Variants in EPHB1 observed in about 807,000 individuals in gnomAD.
EPHB1 encodes the protein ephrin type-B receptor 1.
EPHB1 carries 30 observed loss-of-function variants against 94.4 expected under a neutral mutation model. The ratio of observed to expected loss-of-function variants is 0.32; its 90% CI spans 0.24 to 0.43. EPHB1 has a LOEUF of 0.43. Among genes scored for constraint, EPHB1 ranks in the 20% least tolerant of loss-of-function variants. The probability of loss-of-function intolerance (pLI) is 1.00; values close to 1 mark genes in which losing one functional copy is unlikely to be tolerated. For missense variants in EPHB1, 1,055 were observed against 1,308.3 expected (o/e 0.81, Z 2.99); for synonymous variants, 522 against 489.1 (o/e 1.07, Z -0.89).
chr3:134,899,273 T>C (rs1578180617), intron 1 of EPHB1, among the ~76,000 whole-genome samples: 2 of 152,224 alleles, frequency 1.3e-5, no homozygotes, highest in East Asian at 1.9e-4. Flanking sequence ...GCTTCAGGGA[T>C]TGTGGAGTGT....
At chr3:135,139,718 C>G (rs2107689683) in intron 5 of EPHB1, among the ~76,000 whole-genome samples, 1 of 152,318 alleles carries the variant, frequency 6.6e-6, no homozygotes, top group East Asian at 1.9e-4. Flanking sequence ...TGGTACCACC[C>G]TCTTCTGTGG....
At chr3:134,807,811 C>T (rs142142078) in intron 1 of EPHB1, among the ~76,000 whole-genome samples, 2 of 152,122 alleles carry the variant, frequency 1.3e-5, no homozygotes, top group East Asian at 3.9e-4. Context: ...AGTGGGAAGC[C>T]GATACTCCCC....
chr3:135,084,406 A>G (rs1156659685), intron 3 of EPHB1, among the ~76,000 whole-genome samples: 1 of 152,134 alleles, frequency 6.6e-6, no homozygotes, highest in Non-Finnish European at 1.5e-5. Context: ...TGGAGCTGGA[A>G]GAAGTCTTTG....
chr3:134,977,418 C>G (rs991897585), intron 3 of EPHB1, among the ~76,000 whole-genome samples: 10 of 152,200 alleles, frequency 6.6e-5, no homozygotes, highest in South Asian at 4.1e-4. Context: ...CCGCAAATAC[C>G]TGTTCCTTCA....
chr3:135,145,347 A>G (rs1449586896), intron 5 of EPHB1, among the ~76,000 whole-genome samples: 1 of 152,194 alleles, frequency 6.6e-6, no homozygotes, highest in Non-Finnish European at 1.5e-5. Flanking sequence ...TAAAAAAAAG[A>G]TGGCCAGCCA....
chr3:135,004,689 C>T (rs1189467097), intron 3 of EPHB1, among the ~76,000 whole-genome samples: 1 of 151,518 alleles, frequency 6.6e-6, no homozygotes, highest in African/African-American at 2.4e-5. Context: ...AACTTCCCTT[C>T]TCGCTTCATT....
At chr3:134,945,350 T>A (rs1170461108) in intron 2 of EPHB1, among the ~76,000 whole-genome samples, 1 of 152,208 alleles carries the variant, frequency 6.6e-6, no homozygotes, top group Non-Finnish European at 1.5e-5. Context: ...TTTTAGTATC[T>A]TTGTAGTTTC....
At chr3:135,064,808 A>G (rs73216193) in intron 3 of EPHB1, among the ~76,000 whole-genome samples, 5,960 of 151,958 alleles carry the variant, frequency 0.039, 165 homozygotes, top group East Asian at 0.14. Flanking sequence ...ATGTCAGTTT[A>G]TGCTCTTTTA....
At position 135,238,250 on chromosome 3, in the gene EPHB1, C is replaced by T. The variant is rs1212142192; in HGVS notation, c.2347-2898C>T. Among the ~76,000 whole-genome samples, 3 of 152,176 alleles carry T rather than the reference C, an allele frequency of 2.0e-5. No homozygotes were observed. In the South Asian group the frequency reaches 6.2e-4, roughly 32 times the overall value. ...TTTGTTCTGCCTCCCAAGTCAGTGT[C>T]CCCCTTCTCTTCAGCTGAGCAGGAG... is the stretch of plus-strand genomic sequence containing the variant. On this transcript the variant is annotated intron_variant, in intron 12 of 15. Coordinates refer to ENST00000398015, the MANE Select transcript of EPHB1 (RefSeq NM_004441.5).
At chr3:134,984,356 A>G (rs1010825625) in intron 3 of EPHB1, among the ~76,000 whole-genome samples, 5 of 152,182 alleles carry the variant, frequency 3.3e-5, no homozygotes, top group African/African-American at 7.2e-5. Flanking sequence ...GAGAGTAGCC[A>G]TCTGAGAGCC....
intron 3 of EPHB1, among the ~76,000 whole-genome samples, chr3:134,997,612 C>T (rs1264705688): frequency 2.0e-5 from 3 of 152,144 alleles, no homozygotes; most frequent in Non-Finnish European, 4.4e-5. Context: ...CTCTTTCCTC[C>T]CTGCAAAGTG....
At chr3:135,154,463 C>G in intron 6 of EPHB1, 187 bp downstream of exon 6, 1 of 693,040 alleles carries the variant, frequency 1.4e-6, no homozygotes, top group Non-Finnish European at 2.3e-6. Context: ...AGCCCAGGCA[C>G]TTTCTGTGCC....
chr3:134,833,249 G>A lies in EPHB1; in HGVS notation c.58+37560G>A, dbSNP rs116468796. Among the ~76,000 whole-genome samples, 893 of 152,226 alleles carry A rather than the reference G, an allele frequency of 5.9e-3. 5 individuals are homozygous for A. Among genetic ancestry groups the A allele is most frequent in the African/African-American group, 0.02 (843 of 41,514 alleles). On this transcript the variant is annotated intron_variant, in intron 1 of 15. Coordinates refer to ENST00000398015, the MANE Select transcript of EPHB1 (RefSeq NM_004441.5). ...TAGACTCCTTAGCTTTGGTCTGCCGGGGGTGCAACACTGACCCTGTGACCC... is the reference window on the plus strand; with the variant it reads ...TAGACTCCTTAGCTTTGGTCTGCCGAGGGTGCAACACTGACCCTGTGACCC...
chr3:134,995,168 C>T (rs981223413), intron 3 of EPHB1, among the ~76,000 whole-genome samples: 1 of 152,218 alleles, frequency 6.6e-6, no homozygotes, highest in Non-Finnish European at 1.5e-5. Context: ...CACTGACAAT[C>T]AATGTGTTCT....
chr3:134,804,032 C>A (rs2035984171), intron 1 of EPHB1, among the ~76,000 whole-genome samples: 1 of 150,884 alleles, frequency 6.6e-6, no homozygotes, highest in Non-Finnish European at 1.5e-5. Context: ...TTCCCATGTG[C>A]CCCTGCGAGT....
At position 135,209,584 on chromosome 3, in the gene EPHB1, G is replaced by A. The variant is rs543410979; in HGVS notation, c.2346+7895G>A. Among the ~76,000 whole-genome samples the A allele has an allele frequency of 5.3e-5, 8 of 152,260 alleles. No homozygotes were observed. In the South Asian group the frequency reaches 6.2e-4, roughly 12 times the overall value. ...GTGTGGCCTATGCGCTTCAAAAAAT[G>A]TTAGGGTCGTGAAAGTCAAGGAGAC... On this transcript the variant is annotated intron_variant, in intron 12 of 15. Coordinates refer to ENST00000398015, the MANE Select transcript of EPHB1 (RefSeq NM_004441.5).
chr3:134,835,331 C>A (rs2036653752), intron 1 of EPHB1, among the ~76,000 whole-genome samples: 1 of 152,174 alleles, frequency 6.6e-6, no homozygotes, highest in Non-Finnish European at 1.5e-5. Flanking sequence ...TTGAGCTGGA[C>A]AGCATTTAAT....
At chr3:134,865,460 G>A (rs529501257) in intron 1 of EPHB1, among the ~76,000 whole-genome samples, 23 of 152,126 alleles carry the variant, frequency 1.5e-4, no homozygotes, top group Admixed American at 1.2e-3. Context: ...ACATATACCC[G>A]TTGACCCTGA....
At position 135,053,017 on chromosome 3, in the gene EPHB1, G is replaced by A. The variant is rs1388481623; in HGVS notation, c.806-53431G>A. On this transcript the variant is annotated intron_variant, in intron 3 of 15. Transcript: ENST00000398015. ...TATATATGTGTGTGTATATATATGT[G>A]TGTGTGTGTGTATATATATATATAT... 7.5e-3 allele frequency among the ~76,000 whole-genome samples: 204 copies of A among 27,046 alleles called. 9 individuals carry two copies. Among genetic ancestry groups the A allele is most frequent in the African/African-American group, 0.044 (179 of 4,060 alleles). 17.7% of individuals were successfully genotyped at this position (27,046 alleles called of 152,430 possible).
Sources: gnomAD v4.1 joint callset for allele counts (sites outside exome capture counted in the v4.1 genomes callset) on GRCh38, gnomAD v4.1.1 for gene constraint, MANE v1.5 for transcripts, NCBI Gene and HGNC (gene_info 2026-07-23, HGNC 2026-07-21) for gene names.